YAF2: variants seen among roughly 807,000 people sequenced by gnomAD.
YAF2 encodes YY1 associated factor 2.
YAF2 carries 7 observed loss-of-function variants against 20.1 expected under a neutral mutation model. The ratio of observed to expected loss-of-function variants is 0.35; its 90% CI spans 0.20 to 0.65. The LOEUF (loss-of-function observed/expected upper bound fraction) is 0.65, where lower values mean the gene tolerates loss of function less well. Among genes scored for constraint, YAF2 ranks in the 30% least tolerant of loss-of-function variants. The pLI is 0.69. For missense variants in YAF2, 151 were observed against 219.2 expected (o/e 0.69, Z 1.96); for synonymous variants, 74 against 76.0 (o/e 0.97, Z 0.14).
chr12:42,178,610 T>G (rs1439071503), intron 2 of YAF2, among the ~76,000 whole-genome samples: 2 of 152,184 alleles, frequency 1.3e-5, no homozygotes, highest in Non-Finnish European at 2.9e-5. Flanking sequence ...TGCTCCCATT[T>G]TCATTTTTAT....
Position 42,158,875 on chromosome 12 carries a change from C to A in YAF2, c.*1714G>T, listed in dbSNP as rs891878552. The A allele has an allele frequency of 2.0e-5, 3 of 152,014 alleles. No individual in the cohort carries two copies. The highest frequency in any genetic ancestry group is 2.9e-5 in the Non-Finnish European group (2 of 67,978). The allele number at this position is 152,014 out of a possible 1,614,324, so 9.4% of individuals were successfully genotyped here. ...TCCCTATTACATTTTTAAATTTTTA[C>A]TATCTCCAAAAATGTATAAAACATT... is the stretch of plus-strand genomic sequence containing the variant. On this transcript the variant is annotated 3_prime_UTR_variant, in exon 4 of 4. Coordinates refer to ENST00000534854, the MANE Select transcript of YAF2 (RefSeq NM_005748.6).
intron 2 of YAF2, chr12:42,234,609 T>C (rs1365803250): frequency 3.7e-5 from 36 of 985,276 alleles, no homozygotes; most frequent in African/African-American, 5.2e-5. Context: ...TGACCTACCA[T>C]GGATATAGCC....
intron 2 of YAF2, among the ~76,000 whole-genome samples, chr12:42,186,430 TC>T (rs1325054765): frequency 6.6e-6 from 1 of 151,900 alleles, no homozygotes; most frequent in East Asian, 1.9e-4. Context: ...AAAATAACTT[TC>T]CTGAGGGGGG....
chr12:42,223,881 G>A (rs1368884483), intron 2 of YAF2, among the ~76,000 whole-genome samples: 1 of 151,288 alleles, frequency 6.6e-6, no homozygotes, highest in Non-Finnish European at 1.5e-5. Flanking sequence ...GTCGGGGGGT[G>A]GGGGGCAAGG....
rs554731182 is a variant in YAF2 at position 42,219,937 on chromosome 12, T to C, written c.152+17662A>G. Among the ~76,000 whole-genome samples, 3 of 152,298 alleles carry C rather than the reference T, an allele frequency of 2.0e-5. No homozygotes were observed. The South Asian group carries it at 6.2e-4, about 32-fold the overall frequency. ...TAACAACACATCTCCACATGATCTA[T>C]ATTATAATTGAAAAACAAAGTTCCC... On this transcript the variant is annotated intron_variant, in intron 2 of 3. Transcript: ENST00000534854.
intron 2 of YAF2, among the ~76,000 whole-genome samples, chr12:42,225,381 C>T (rs1280510216): frequency 1.3e-5 from 2 of 152,154 alleles, no homozygotes; most frequent in East Asian, 3.8e-4. Flanking sequence ...TCTCATTTGT[C>T]AATTTTGGCT....
chr12:42,180,813 T>C (rs1474745778), intron 2 of YAF2, among the ~76,000 whole-genome samples: 1 of 152,064 alleles, frequency 6.6e-6, no homozygotes, highest in Non-Finnish European at 1.5e-5. Flanking sequence ...CTGGATGTGG[T>C]GGTGCGTGCC....
intron 2 of YAF2, among the ~76,000 whole-genome samples, chr12:42,209,304 C>T (rs142231775): frequency 0.011 from 1,586 of 150,996 alleles, 28 homozygotes; most frequent in African/African-American, 0.037. Context: ...TGGCTCACAC[C>T]TGTAATCCCA....
At chr12:42,163,909 T>C (rs1014452119) in intron 2 of YAF2, among the ~76,000 whole-genome samples, 5 of 152,212 alleles carry the variant, frequency 3.3e-5, no homozygotes, top group African/African-American at 1.2e-4. Flanking sequence ...TGTGATCCCT[T>C]TTCTATTTGA....
At chr12:42,164,513 G>A (rs2065867641) in intron 2 of YAF2, among the ~76,000 whole-genome samples, 4 of 152,034 alleles carry the variant, frequency 2.6e-5, no homozygotes, top group Admixed American at 2.6e-4. Flanking sequence ...GCTTTGTCAT[G>A]TTGGACAGGT....
intron 2 of YAF2, among the ~76,000 whole-genome samples, chr12:42,224,428 C>T (rs187594768): frequency 6.6e-6 from 1 of 152,022 alleles, no homozygotes; most frequent in Admixed American, 6.6e-5. Flanking sequence ...TGCAGAACCT[C>T]CAGGTTTGTT....
intron 1 of YAF2, among the ~76,000 whole-genome samples, 193 bp downstream of exon 1, chr12:42,237,962 G>A (rs1424868458): frequency 6.7e-6 from 1 of 149,000 alleles, no homozygotes; most frequent in Non-Finnish European, 1.5e-5. Flanking sequence ...GGCCGCTCCG[G>A]TCGCCGCCGC....
chr12:42,163,681 T>G (rs745698784), intron 2 of YAF2, among the ~76,000 whole-genome samples: 1 of 152,208 alleles, frequency 6.6e-6, no homozygotes, highest in Non-Finnish European at 1.5e-5. Flanking sequence ...CTATGATTAT[T>G]TCATCTGGTT....
intron 2 of YAF2, among the ~76,000 whole-genome samples, chr12:42,204,684 T>C (rs2066990406): frequency 6.6e-6 from 1 of 152,162 alleles, no homozygotes; most frequent in Non-Finnish European, 1.5e-5. Context: ...AACTGATAAA[T>C]GAATAAACAA....
intron 2 of YAF2, among the ~76,000 whole-genome samples, chr12:42,219,789 T>A (rs1434200187): frequency 6.6e-6 from 1 of 152,206 alleles, no homozygotes; most frequent in Non-Finnish European, 1.5e-5. Flanking sequence ...AAGATCCTGT[T>A]AAAGTGCAGG....
chr12:42,184,740 G>C (rs1167676213), intron 2 of YAF2, among the ~76,000 whole-genome samples: 3 of 152,210 alleles, frequency 2.0e-5, no homozygotes. Context: ...ATGTCATTAA[G>C]AACATTTGTG....
rs577966165 is a variant in YAF2, at chr12:42,187,799, T to C, written c.153-26034A>G. 2.0e-5 allele frequency among the ~76,000 whole-genome samples: 3 copies of C among 152,360 alleles called. No homozygotes were observed. The South Asian group carries it at 6.2e-4, about 32-fold the overall frequency. ...GCCTTTGGCCTTCCCACACTGAATA[T>C]GGCTGACTTGTATAACCAGGACACT... is the stretch of plus-strand genomic sequence containing the variant. On this transcript the variant is annotated intron_variant, in intron 2 of 3. Transcript: ENST00000534854.
chr12:42,167,250 T>C (rs1218111259), intron 2 of YAF2, among the ~76,000 whole-genome samples: 2 of 152,196 alleles, frequency 1.3e-5, no homozygotes, highest in Non-Finnish European at 2.9e-5. Flanking sequence ...GACACATGTC[T>C]ATCTATGTAA....
At chr12:42,189,016 A>C (rs913463195) in intron 2 of YAF2, among the ~76,000 whole-genome samples, 1 of 152,298 alleles carries the variant, frequency 6.6e-6, no homozygotes, top group Middle Eastern at 3.4e-3. Context: ...AACTGGGAGA[A>C]TCAGAGTGGA....
Sources: allele counts gnomAD v4.1 joint callset (sites outside exome capture counted in the v4.1 genomes callset), GRCh38; gene constraint gnomAD v4.1.1; transcripts MANE v1.5; gene names NCBI Gene and HGNC (gene_info 2026-07-23, HGNC 2026-07-21).